The following IQCM variants were observed in gnomAD, a reference collection of about 807,000 sequenced individuals.
The protein encoded by IQCM is IQ domain-containing protein M.
In IQCM, 45 loss-of-function variants were observed where a neutral mutation model predicts 57.6. The observed-to-expected ratio is 0.78, with a 90% confidence interval of 0.62 to 1.00. IQCM has a LOEUF of 1.00. Ranked by LOEUF, IQCM falls within the 50% of genes least tolerant of loss-of-function variation. IQCM has a pLI of 0.00. For missense variants in IQCM, 468 were observed against 511.6 expected, an observed-to-expected ratio of 0.91 and a Z score of 0.82; for synonymous variants, 148 against 158.9, an observed-to-expected ratio of 0.93 and a Z score of 0.51.
chr4:149,482,614 C>A (rs1234476502), intron 12 of IQCM, among the ~76,000 whole-genome samples: 1 of 151,848 alleles, frequency 6.6e-6, no homozygotes, highest in East Asian at 1.9e-4. Flanking sequence ...ATCCTTGAAT[C>A]CCTGGGATAA....
chr4:149,626,034 G>C (rs1050946066), intron 7 of IQCM, among the ~76,000 whole-genome samples: 28 of 151,992 alleles, frequency 1.8e-4, no homozygotes, highest in South Asian at 1.2e-3. Context: ...AACTTGACTG[G>C]ATTGAAGGAT....
chr4:149,636,608 T>C (rs867811966), intron 7 of IQCM, among the ~76,000 whole-genome samples: 2 of 152,174 alleles, frequency 1.3e-5, no homozygotes, highest in Admixed American at 6.5e-5. Context: ...AGCAGGCAAT[T>C]ATTTTTTTAA....
At chr4:149,692,783 T>C (rs61054499) in intron 5 of IQCM, among the ~76,000 whole-genome samples, 104 of 152,316 alleles carry the variant, frequency 6.8e-4, no homozygotes, top group African/African-American at 2.4e-3. Context: ...CTATTGCTTA[T>C]GTAAAATCTA....
intron 7 of IQCM, among the ~76,000 whole-genome samples, chr4:149,650,344 C>T (rs921274477): frequency 2.0e-5 from 3 of 151,836 alleles, no homozygotes; most frequent in Admixed American, 1.3e-4. Context: ...AAGATTGCTT[C>T]CCTAGAAGCT....
chr4:149,484,312 T>C (rs1741233858), intron 12 of IQCM, among the ~76,000 whole-genome samples: 1 of 152,072 alleles, frequency 6.6e-6, no homozygotes, highest in African/African-American at 2.4e-5. Flanking sequence ...AATGTTATTA[T>C]TGATAAGTAG....
At chr4:149,624,527 A>G (rs925664040) in intron 7 of IQCM, among the ~76,000 whole-genome samples, 21 of 152,226 alleles carry the variant, frequency 1.4e-4, no homozygotes, top group African/African-American at 4.8e-4. Flanking sequence ...AATTATACAA[A>G]TGACTCACAG....
At chr4:149,656,651 G>A (rs761894679) in intron 7 of IQCM, among the ~76,000 whole-genome samples, 5 of 152,066 alleles carry the variant, frequency 3.3e-5, no homozygotes, top group Non-Finnish European at 7.4e-5. Flanking sequence ...CCTTCACAAA[G>A]TATCAGAAGA....
intron 13 of IQCM, among the ~76,000 whole-genome samples, chr4:149,407,920 T>C (rs941714326): frequency 1.4e-4 from 21 of 152,142 alleles, no homozygotes; most frequent in African/African-American, 4.3e-4. Flanking sequence ...CTTTGAGATA[T>C]CTCCATACAG....
chr4:149,811,216 G>A (rs1209802540), intron 2 of IQCM, among the ~76,000 whole-genome samples: 1 of 151,982 alleles, frequency 6.6e-6, no homozygotes, highest in Non-Finnish European at 1.5e-5. Flanking sequence ...TGTACCAAAA[G>A]CACATGAAAA....
At chr4:149,809,995 T>C (rs2150065540) in intron 2 of IQCM, among the ~76,000 whole-genome samples, 1 of 150,932 alleles carries the variant, frequency 6.6e-6, no homozygotes, top group South Asian at 2.1e-4. Context: ...GTTTCTTTCC[T>C]CTCTCTCTCT....
intron 13 of IQCM, among the ~76,000 whole-genome samples, chr4:149,354,598 A>G (rs942026917): frequency 6.6e-6 from 1 of 151,958 alleles, no homozygotes; most frequent in Admixed American, 6.6e-5. Context: ...TACCAAGCAT[A>G]TATTTCATCA....
intron 13 of IQCM, among the ~76,000 whole-genome samples, chr4:149,409,607 T>C (rs1161851349): frequency 6.6e-6 from 1 of 152,206 alleles, no homozygotes; most frequent in Non-Finnish European, 1.5e-5. Context: ...GGTGTAACTG[T>C]TTTTATAAAT....
rs540311842 is a variant in IQCM at position 149,664,163 on chromosome 4, T to A, written c.565+17955A>T. Among the ~76,000 whole-genome samples, 3 of 152,282 alleles carry A rather than the reference T, an allele frequency of 2.0e-5. No homozygotes were observed. The South Asian group carries it at 6.2e-4, about 32-fold the overall frequency. ...GTGTGGTTCTTTTCCATAATATCTA[T>A]CTCTTTATTGGATTTCTTGTTCAGA... On this transcript the variant is annotated intron_variant, in intron 7 of 13. Coordinates refer to ENST00000636793, the MANE Select transcript of IQCM (RefSeq NM_001363507.2).
chr4:149,650,812 G>C (rs954399902), intron 7 of IQCM, among the ~76,000 whole-genome samples: 1 of 152,112 alleles, frequency 6.6e-6, no homozygotes, highest in Non-Finnish European at 1.5e-5. Flanking sequence ...TAACATAAAA[G>C]TACAGATTGG....
intron 2 of IQCM, among the ~76,000 whole-genome samples, chr4:149,745,011 T>A (rs1471176776): frequency 2.7e-5 from 4 of 149,386 alleles, no homozygotes; most frequent in Non-Finnish European, 4.5e-5. Flanking sequence ...TAAAAGAGAG[T>A]TCAAGAAGAA....
intron 5 of IQCM, among the ~76,000 whole-genome samples, chr4:149,687,024 A>G (rs1028570436): frequency 6.6e-6 from 1 of 151,670 alleles, no homozygotes; most frequent in African/African-American, 2.4e-5. Context: ...TAAAATACTC[A>G]TTACTTTCTA....
intron 12 of IQCM, among the ~76,000 whole-genome samples, chr4:149,452,744 G>C (rs548034378): frequency 6.6e-6 from 1 of 151,498 alleles, no homozygotes; most frequent in Non-Finnish European, 1.5e-5. Context: ...TATCGTTATT[G>C]GTTTGTTTCA....
intron 13 of IQCM, among the ~76,000 whole-genome samples, chr4:149,403,611 A>T (rs1732771964): frequency 6.6e-6 from 1 of 151,866 alleles, no homozygotes; most frequent in Non-Finnish European, 1.5e-5. Context: ...CTAATTAGTG[A>T]TCAGTTCCTG....
chr4:149,643,672 C>T (rs1395109093), intron 7 of IQCM, among the ~76,000 whole-genome samples: 1 of 152,152 alleles, frequency 6.6e-6, no homozygotes, highest in African/African-American at 2.4e-5. Context: ...AGTGAGAAAA[C>T]CCAGTCAAAA....
Sources: gnomAD v4.1 joint callset for allele counts (sites outside exome capture counted in the v4.1 genomes callset) on GRCh38, gnomAD v4.1.1 for gene constraint, MANE v1.5 for transcripts, NCBI Gene and HGNC (gene_info 2026-07-23, HGNC 2026-07-21) for gene names.